The following SGCD variants were observed in gnomAD, a reference collection of about 807,000 sequenced individuals.
SGCD encodes sarcoglycan delta.
A neutral mutation model predicts 36.6 loss-of-function variants in SGCD; 18 were observed. The ratio of observed to expected loss-of-function variants is 0.49; its 90% CI spans 0.34 to 0.73. The LOEUF (loss-of-function observed/expected upper bound fraction) is 0.73, where lower values mean the gene tolerates loss of function less well. Among genes scored for constraint, SGCD ranks in the 30% least tolerant of loss-of-function variants. The probability of loss-of-function intolerance (pLI) is 0.01; values close to 1 mark genes in which losing one functional copy is unlikely to be tolerated. For synonymous variants in SGCD, 133 were observed against 130.6 expected, an observed-to-expected ratio of 1.02 and a Z score of -0.12; for missense variants, 387 against 346.7, an observed-to-expected ratio of 1.12 and a Z score of -0.92.
At chr5:156,295,294 G>A (rs1488958139) in intron 3 of SGCD, among the ~76,000 whole-genome samples, 1 of 151,886 alleles carries the variant, frequency 6.6e-6, no homozygotes, top group Non-Finnish European at 1.5e-5. Context: ...TTTTATTTCT[G>A]TAGCATTTGT....
intron 3 of SGCD, among the ~76,000 whole-genome samples, chr5:156,304,304 AC>A (rs2127686335): frequency 6.6e-6 from 1 of 152,198 alleles, no homozygotes; most frequent in South Asian, 2.1e-4. Flanking sequence ...TGTGGGAGGA[AC>A]CCGGTGGGAG....
intron 3 of SGCD, among the ~76,000 whole-genome samples, chr5:156,273,203 C>T (rs1766224981): frequency 6.6e-6 from 1 of 152,188 alleles, no homozygotes; most frequent in African/African-American, 2.4e-5. Flanking sequence ...CCTAGGATTA[C>T]AAGCCCCAGG....
chr5:156,341,745 C>G (rs1172223534), intron 2 of SGCD, among the ~76,000 whole-genome samples: 4 of 152,222 alleles, frequency 2.6e-5, no homozygotes, highest in African/African-American at 9.7e-5. Flanking sequence ...AGTCTTCACT[C>G]TGTTGCCCAG....
At chr5:156,297,964 C>G (rs568206543) in intron 3 of SGCD, among the ~76,000 whole-genome samples, 49 of 151,300 alleles carry the variant, frequency 3.2e-4, no homozygotes, top group African/African-American at 1.1e-3. Context: ...TGGTAACCGT[C>G]CTTCTACTCT....
chr5:156,673,683 G>C (rs2113664659), intron 7 of SGCD, among the ~76,000 whole-genome samples: 1 of 152,254 alleles, frequency 6.6e-6, no homozygotes, highest in Middle Eastern at 3.4e-3. Flanking sequence ...CCCTAACCTT[G>C]AATAGAAAAT....
chr5:156,273,890 G>A (rs142735345), intron 3 of SGCD, among the ~76,000 whole-genome samples: 48 of 152,134 alleles, frequency 3.2e-4, no homozygotes, highest in Non-Finnish European at 5.4e-4. Flanking sequence ...TGTTGGGAGC[G>A]TAGGTAAATG....
At chr5:155,903,435 C>G (rs1175106963) in intron 1 of SGCD, among the ~76,000 whole-genome samples, 1 of 152,160 alleles carries the variant, frequency 6.6e-6, no homozygotes, top group Non-Finnish European at 1.5e-5. Context: ...AGATCTCTAT[C>G]TAGCCTACCT....
chr5:155,839,243 G>A, the SGCD span, among the ~76,000 whole-genome samples: 1 of 152,232 alleles, frequency 6.6e-6, no homozygotes, highest in Admixed American at 6.5e-5. Context: ...AGAAAAGGTT[G>A]TAATGATATC....
chr5:155,744,199 C>A, the SGCD span, among the ~76,000 whole-genome samples: 1 of 152,218 alleles, frequency 6.6e-6, no homozygotes, highest in African/African-American at 2.4e-5. Flanking sequence ...TGGTGACTCA[C>A]GCCTGTAATC....
At chr5:156,003,036 T>G (rs1758693762) in intron 1 of SGCD, among the ~76,000 whole-genome samples, 1 of 152,226 alleles carries the variant, frequency 6.6e-6, no homozygotes, top group Non-Finnish European at 1.5e-5. Flanking sequence ...CATAGGGGTC[T>G]TCACCGGAGA....
intron 3 of SGCD, among the ~76,000 whole-genome samples, chr5:156,403,705 A>T (rs1450252626): frequency 6.6e-6 from 1 of 152,098 alleles, no homozygotes; most frequent in Non-Finnish European, 1.5e-5. Flanking sequence ...ATGAGGATTG[A>T]TCTAGGCCTT....
intron 4 of SGCD, among the ~76,000 whole-genome samples, chr5:156,510,638 T>C (rs1430971307): frequency 6.6e-6 from 1 of 152,182 alleles, no homozygotes; most frequent in East Asian, 1.9e-4. Context: ...CTCTCAAAAC[T>C]TGAATAGCAT....
At chr5:155,898,022 A>G (rs574284909) in intron 1 of SGCD, among the ~76,000 whole-genome samples, 223 of 152,334 alleles carry the variant, frequency 1.5e-3, no homozygotes, top group African/African-American at 5.2e-3. Context: ...TGAGTATATG[A>G]ATGAATACAT....
At chr5:155,782,584 T>A in the SGCD span, among the ~76,000 whole-genome samples, 1 of 151,144 alleles carries the variant, frequency 6.6e-6, no homozygotes. Flanking sequence ...TGAAAAGGAG[T>A]TTTTTCCCTA....
At chr5:155,753,334 T>TCAAAAA in the SGCD span, among the ~76,000 whole-genome samples, 35 of 135,912 alleles carry the variant, frequency 2.6e-4, 6 homozygotes, top group African/African-American at 1.2e-3. Context: ...AGACTTTGTC[T>TCAAAAA]AAAAAAAAAA....
At chr5:156,431,776 C>T (rs781210053) in intron 3 of SGCD, among the ~76,000 whole-genome samples, 7 of 152,044 alleles carry the variant, frequency 4.6e-5, no homozygotes, top group Non-Finnish European at 4.4e-5. Flanking sequence ...AGTGCAGTGG[C>T]GTGATCTCGA....
chr5:156,245,978 G>A (rs928809887), intron 3 of SGCD, among the ~76,000 whole-genome samples: 1 of 152,108 alleles, frequency 6.6e-6, no homozygotes, highest in South Asian at 2.1e-4. Flanking sequence ...AAGCTTGAGG[G>A]AAAATGCAAA....
chr5:156,075,781 G>A (rs142305167), intron 1 of SGCD, among the ~76,000 whole-genome samples: 4 of 152,150 alleles, frequency 2.6e-5, no homozygotes, highest in Non-Finnish European at 4.4e-5. Context: ...TCTCACAGAG[G>A]CAGAGTTAAT....
rs1491396771 is a variant in SGCD at position 156,723,877 on chromosome 5, GTA to G, written c.576-33702_576-33701del. On this transcript the variant is annotated intron_variant, in intron 7 of 8. Coordinates refer to ENST00000337851, the MANE Select transcript of SGCD (RefSeq NM_000337.6). ...TGTGTGTGTGTGTGTGTGTGTGTGTGTATGCATGCATGCATAATATGAGCAAA... is the reference window on the plus strand; with the variant it reads ...TGTGTGTGTGTGTGTGTGTGTGTGTGTGCATGCATGCATAATATGAGCAAA... Among the ~76,000 whole-genome samples the G allele has an allele frequency of 2.1e-5, 3 of 143,364 alleles. No homozygotes were observed. The Admixed American group carries it at 2.1e-4, about 10-fold the overall frequency. 94.1% of individuals were successfully genotyped at this position (143,364 alleles called of 152,430 possible). A position where few individuals can be genotyped will look rare whatever the true frequency, so the allele number is the denominator to read the frequency against.
Sources: gnomAD v4.1 joint callset for allele counts (sites outside exome capture counted in the v4.1 genomes callset) on GRCh38, gnomAD v4.1.1 for gene constraint, MANE v1.5 for transcripts, NCBI Gene and HGNC (gene_info 2026-07-23, HGNC 2026-07-21) for gene names.